The following ARID5B variants were observed in gnomAD, a reference collection of about 807,000 sequenced individuals.
ARID5B encodes the protein AT-rich interaction domain 5B.
ARID5B carries 13 observed loss-of-function variants against 97.2 expected under a neutral mutation model. The ratio of observed to expected loss-of-function variants is 0.13; its 90% CI spans 0.09 to 0.21. The LOEUF (loss-of-function observed/expected upper bound fraction) is 0.21. Among genes scored for constraint, ARID5B ranks in the 10% least tolerant of loss-of-function variants. The pLI, the probability that ARID5B is intolerant of heterozygous loss-of-function variation, is 1.00. For missense variants in ARID5B, 1,210 were observed against 1,465.3 expected, an observed-to-expected ratio of 0.83 and a Z score of 2.84; for synonymous variants, 556 against 570.3, an observed-to-expected ratio of 0.97 and a Z score of 0.36.
At chr10:62,036,793 G>A (rs1016293916) in intron 4 of ARID5B, among the ~76,000 whole-genome samples, 4 of 152,144 alleles carry the variant, frequency 2.6e-5, no homozygotes, top group African/African-American at 9.7e-5. Context: ...AGAGTCTGTC[G>A]CAGCTCTGCT....
At chr10:61,927,041 C>T (rs201931975) in intron 2 of ARID5B, among the ~76,000 whole-genome samples, 45 of 152,288 alleles carry the variant, frequency 3.0e-4, no homozygotes, top group Middle Eastern at 6.8e-3. Context: ...CCAACCTTCC[C>T]TTGGAGATAC....
intron 4 of ARID5B, among the ~76,000 whole-genome samples, chr10:62,013,258 C>A (rs1042656766): frequency 2.0e-5 from 3 of 152,156 alleles, no homozygotes; most frequent in African/African-American, 7.2e-5. Context: ...AAATTTGATT[C>A]TTGGGGTCTG....
chr10:61,913,221 A>T (rs150549572), intron 2 of ARID5B, among the ~76,000 whole-genome samples: 8 of 152,354 alleles, frequency 5.3e-5, no homozygotes, highest in African/African-American at 1.9e-4. Flanking sequence ...TGGTGTATCC[A>T]TTGGTAAAGC....
At chr10:61,969,282 G>T (rs1838591205) in intron 3 of ARID5B, among the ~76,000 whole-genome samples, 1 of 152,176 alleles carries the variant, frequency 6.6e-6, no homozygotes, top group African/African-American at 2.4e-5. Flanking sequence ...GTTTCATCAG[G>T]TTCCTCATAG....
In ARID5B at chr10:62,092,480, T is replaced by G; in HGVS notation, c.3017T>G (p.Ile1006Ser). 6.2e-7 allele frequency: 1 copy of G among 1,614,040 alleles called. No individual in the cohort carries two copies. The highest frequency in any genetic ancestry group is 8.5e-7 in the Non-Finnish European group (1 of 1,179,988). The change falls in exon 10 of 10, where the codon ATT (isoleucine) becomes AGT (serine). Residue 1006 changes from isoleucine (I) to serine (S), a missense_variant. Physicochemically the swap from Ile to Ser is moderately radical, Grantham distance 142 (BLOSUM62 -2). Around this residue, in one of 8 missense-constraint regions of ARID5B, gnomAD observed 800 missense variants for 839.1 expected, o/e 0.95. Coordinates refer to ENST00000279873, the MANE Select transcript of ARID5B (RefSeq NM_032199.3). Reference protein sequence around the residue: ...ILHRKMSPQNIGAARPIKRSL... With the variant: ...ILHRKMSPQNSGAARPIKRSL... The stretch of plus-strand genomic sequence containing the variant: ...CACCGGAAAATGAGCCCGCAGAACA[T>G]TGGGGCGGCGCGGCCGATCAAGCGC...
chr10:61,908,985 G>A (rs147382490), intron 2 of ARID5B, among the ~76,000 whole-genome samples: 1 of 152,042 alleles, frequency 6.6e-6, no homozygotes, highest in Non-Finnish European at 1.5e-5. Context: ...TAATCTTTCC[G>A]GAAATTAGAA....
intron 7 of ARID5B, 108 bp from the exon 8 acceptor site, chr10:62,069,592 G>C (rs1185565327): frequency 2.1e-6 from 2 of 948,536 alleles, no homozygotes; most frequent in African/African-American, 3.3e-5. Context: ...CTCTGTTTCT[G>C]GGTTTCCAGA....
intron 2 of ARID5B, among the ~76,000 whole-genome samples, chr10:61,907,670 A>C (rs1159636481): frequency 1.3e-5 from 2 of 152,400 alleles, no homozygotes; most frequent in East Asian, 3.9e-4. Context: ...AACAAAGATA[A>C]GAATGTAAAG....
At chr10:62,004,782 A>G (rs1839125419) in intron 4 of ARID5B, among the ~76,000 whole-genome samples, 1 of 152,256 alleles carries the variant, frequency 6.6e-6, no homozygotes. Flanking sequence ...AATATCACAC[A>G]GATTGATTTC....
At chr10:61,991,540 T>C (rs1838925503) in intron 3 of ARID5B, among the ~76,000 whole-genome samples, 2 of 152,204 alleles carry the variant, frequency 1.3e-5, no homozygotes, top group South Asian at 4.1e-4. Context: ...TGTTACTGAG[T>C]TGCAGGAGTT....
At chr10:61,911,328 G>A (rs1205291601) in intron 2 of ARID5B, among the ~76,000 whole-genome samples, 1 of 152,278 alleles carries the variant, frequency 6.6e-6, no homozygotes, top group African/African-American at 2.4e-5. Context: ...TTTTTGTGCT[G>A]CTTGTCCCTT....
intron 3 of ARID5B, among the ~76,000 whole-genome samples, chr10:61,992,642 A>G (rs980565034): frequency 2.6e-5 from 4 of 152,110 alleles, no homozygotes; most frequent in Non-Finnish European, 5.9e-5. Context: ...TTCGTTGCCT[A>G]TCCTGGGAAG....
chr10:61,970,618 C>A (rs532092263), intron 3 of ARID5B, among the ~76,000 whole-genome samples: 1 of 152,078 alleles, frequency 6.6e-6, no homozygotes, highest in Non-Finnish European at 1.5e-5. Context: ...GCAAGAGCGC[C>A]GAGGAGGTTG....
At chr10:62,049,350 G>A (rs1234367361) in intron 4 of ARID5B, 50 of 1,536,652 alleles carry the variant, frequency 3.3e-5, no homozygotes, top group Non-Finnish European at 4.3e-5. Context: ...GCTGAGCCTC[G>A]CAGCTCGCAT....
chr10:62,024,689 C>T (rs118100037), intron 4 of ARID5B: 8,922 of 395,462 alleles, frequency 0.023, 162 homozygotes, highest in Non-Finnish European at 0.029. Flanking sequence ...GATTAACTTC[C>T]CATTGTTCTT....
intron 2 of ARID5B, among the ~76,000 whole-genome samples, chr10:61,926,624 T>A (rs142164605): frequency 0.044 from 6,678 of 152,180 alleles, 195 homozygotes; most frequent in Non-Finnish European, 0.064. Flanking sequence ...TTATTTATTT[T>A]TTTGAGACAG....
In ARID5B at chr10:62,000,017, G is replaced by T. The variant is rs757517288; in HGVS notation, c.503-74G>T. 6.3e-6 allele frequency: 9 copies of T among 1,430,656 alleles called. No individual in the cohort carries two copies. The highest frequency in any genetic ancestry group is 8.8e-6 in the Non-Finnish European group (9 of 1,021,476). The allele number at this position is 1,430,656 out of a possible 1,614,324, so 88.6% of individuals were successfully genotyped here. A position where few individuals can be genotyped will look rare whatever the true frequency, so the allele number is the denominator to read the frequency against. ...TAGTCCCAAACCAGAAGTGATTATT[G>T]AAATTATACCATGGCCATGAAAGTT... On this transcript the variant is annotated intron_variant, in intron 3 of 9. Coordinates refer to ENST00000279873, the MANE Select transcript of ARID5B (RefSeq NM_032199.3). The surrounding 1 kb of genome is among the most constrained non-coding windows in gnomAD (Gnocchi z 4.4).
At chr10:62,005,422 A>G (rs892222468) in intron 4 of ARID5B, among the ~76,000 whole-genome samples, 1 of 152,208 alleles carries the variant, frequency 6.6e-6, no homozygotes, top group Non-Finnish European at 1.5e-5. Context: ...TACTGTTTCT[A>G]TTAGTCATAT....
chr10:61,940,110 C>A, intron 2 of ARID5B, 73 bp from the exon 3 acceptor site: 1 of 1,413,216 alleles, frequency 7.1e-7, no homozygotes, highest in Non-Finnish European at 1.0e-6. Flanking sequence ...TCAGATGGGC[C>A]TTGTGGAGAG....
Sources: gnomAD v4.1 joint callset for allele counts (sites outside exome capture counted in the v4.1 genomes callset) on GRCh38, gnomAD v4.1.1 for gene constraint, gnomAD v4.1.1 regional missense constraint, Gnocchi (gnomAD v3.1) non-coding constraint, MANE v1.5 for transcripts, NCBI Gene and HGNC (gene_info 2026-07-23, HGNC 2026-07-21) for gene names.